ERICH6: variants seen among roughly 807,000 people sequenced by gnomAD.
ERICH6 encodes glutamate rich 6, also known as glutamate-rich protein 6.
ERICH6 carries 71 observed loss-of-function variants against 71.0 expected under a neutral mutation model. The observed-to-expected ratio is 1.00, with a 90% CI of 0.83 to 1.22. ERICH6 has a LOEUF of 1.22. Among genes scored for constraint, ERICH6 ranks in the 50% most tolerant of loss-of-function variants. The pLI is 0.00. For synonymous variants in ERICH6, 262 were observed against 278.4 expected, an observed-to-expected ratio of 0.94 and a Z score of 0.59; for missense variants, 808 against 797.2, an observed-to-expected ratio of 1.01 and a Z score of -0.16.
intron 3 of ERICH6, among the ~76,000 whole-genome samples, chr3:150,694,982 G>A (rs1712600437): frequency 6.6e-6 from 1 of 152,194 alleles, no homozygotes; most frequent in African/African-American, 2.4e-5. Context: ...GTCCTCACAT[G>A]GTAGAAGGAA....
intron 3 of ERICH6, among the ~76,000 whole-genome samples, chr3:150,692,577 T>C (rs957510323): frequency 5.9e-5 from 9 of 152,158 alleles, no homozygotes; most frequent in African/African-American, 1.9e-4. Context: ...TATAAAATGA[T>C]GTTTGGTTTT....
At chr3:150,685,629 TG>T (rs1712148359) in intron 6 of ERICH6, 112 bp downstream of exon 6, 3 of 941,710 alleles carry the variant, frequency 3.2e-6, no homozygotes, top group Non-Finnish European at 4.7e-6. Flanking sequence ...TTGAGCTCTT[TG>T]GCTTTTTTTT....
rs762270129 is a variant in ERICH6, at chr3:150,703,735, A to ACCT, written c.161_163dup (p.Glu54dup). ...TTCCCCCACCAACTCCTCCTCCACCACCTCCTCCTCCTCCTCCTCCACCTC... is the reference window on the plus strand; with the variant it reads ...TTCCCCCACCAACTCCTCCTCCACCACCTCCTCCTCCTCCTCCTCCTCCACCTC... On this transcript the variant is annotated inframe_insertion, in exon 1 of 14. Coordinates refer to ENST00000295910, the MANE Select transcript of ERICH6 (RefSeq NM_152394.5). 51 of 1,555,350 alleles carry ACCT rather than the reference A, an allele frequency of 3.3e-5. No individual in the cohort carries two copies. Among genetic ancestry groups the ACCT allele is most frequent in the Middle Eastern group, 1.8e-4 (1 of 5,626 alleles).
chr3:150,702,026 G>T, intron 2 of ERICH6, 95 bp downstream of exon 2: 2 of 835,642 alleles, frequency 2.4e-6, no homozygotes, highest in Non-Finnish European at 3.7e-6. Context: ...AGTCACAAAT[G>T]CCCTGGATTA....
At chr3:150,680,446 A>G in intron 9 of ERICH6, 22 bp downstream of exon 9, 1 of 1,610,426 alleles carries the variant, frequency 6.2e-7, no homozygotes, top group South Asian at 1.1e-5. Context: ...CTGGTCTATA[A>G]GATCAGCACT....
intron 3 of ERICH6, among the ~76,000 whole-genome samples, chr3:150,696,084 G>A (rs1415802699): frequency 1.3e-5 from 2 of 151,762 alleles, no homozygotes; most frequent in Non-Finnish European, 2.9e-5. Context: ...TATTGGTATA[G>A]GAAAATACCA....
At chr3:150,673,865 G>A (rs973126790) in intron 11 of ERICH6, 91 bp downstream of exon 11, 3 of 1,225,320 alleles carry the variant, frequency 2.4e-6, no homozygotes, top group Non-Finnish European at 2.3e-6. Flanking sequence ...ACAGGTGTGA[G>A]CCACTGCACC....
intron 11 of ERICH6, among the ~76,000 whole-genome samples, chr3:150,672,750 C>T (rs1409652630): frequency 1.3e-5 from 2 of 151,166 alleles, no homozygotes; most frequent in Non-Finnish European, 1.5e-5. Flanking sequence ...GCTGGCCAGA[C>T]ACAGTGGCTC....
intron 3 of ERICH6, among the ~76,000 whole-genome samples, chr3:150,688,317 G>A (rs915661133): frequency 6.6e-6 from 1 of 152,006 alleles, no homozygotes; most frequent in Admixed American, 6.6e-5. Context: ...ATAGGGAAGA[G>A]CTCAAAAAAA....
chr3:150,682,392 A>C (rs1323083858), intron 6 of ERICH6, 76 bp from the exon 7 acceptor site: 4 of 1,063,132 alleles, frequency 3.8e-6, no homozygotes, highest in Non-Finnish European at 5.7e-6. Context: ...CAGGAGCACG[A>C]CCCTGGGCAT....
chr3:150,690,406 A>G (rs527316259), intron 3 of ERICH6, among the ~76,000 whole-genome samples: 39 of 90,646 alleles, frequency 4.3e-4, no homozygotes, highest in Admixed American at 1.3e-3. Context: ...TAAGATAGGG[A>G]AAAAAAAAAA....
intron 2 of ERICH6, among the ~76,000 whole-genome samples, chr3:150,699,864 A>G (rs549323735): frequency 6.6e-6 from 1 of 152,314 alleles, no homozygotes; most frequent in Admixed American, 6.5e-5. Context: ...CATGTAAACA[A>G]ACATCAAAAA....
At position 150,703,883 on chromosome 3, in the gene ERICH6, A is replaced by G; in HGVS notation, c.16T>C (p.Ser6Pro). Reference sequence around the variant, plus strand: ...CCCGGGTCTCCGAAGCCGCTAGGCGAGCGCAAGTGGGCCATGGCTGGCGGG... The same window carrying G: ...CCCGGGTCTCCGAAGCCGCTAGGCGGGCGCAAGTGGGCCATGGCTGGCGGG... MAHLRSPSGFGDPGKK... is the reference protein window; with the variant it reads MAHLRPPSGFGDPGKK... The change falls in exon 1 of 14, where the codon TCG becomes CCG. Residue 6 changes from serine (S) to proline (P), a missense_variant. By Grantham distance (74) the Ser-to-Pro change is moderately conservative. Around this residue, in one of 3 missense-constraint regions of ERICH6, gnomAD observed 53 missense variants for 40.6 expected, o/e 1.30. Transcript: ENST00000295910. 2 of 1,613,480 alleles carry G rather than the reference A, an allele frequency of 1.2e-6. No individual in the cohort carries two copies. Among genetic ancestry groups the G allele is most frequent in the Non-Finnish European group, 1.7e-6 (2 of 1,179,848 alleles).
intron 13 of ERICH6, 24 bp from the exon 14 acceptor site, chr3:150,660,179 G>A (rs1235530655): frequency 3.1e-6 from 5 of 1,604,488 alleles, no homozygotes; most frequent in African/African-American, 1.3e-5. Flanking sequence ...AGAAAGAGAA[G>A]GAAACTCAGA....
chr3:150,684,266 T>G (rs975354734), intron 6 of ERICH6, among the ~76,000 whole-genome samples: 1 of 152,142 alleles, frequency 6.6e-6, no homozygotes, highest in African/African-American at 2.4e-5. Context: ...CCGAAGAGTC[T>G]GTTGAGTGAC....
At chr3:150,672,264 C>CATACATATATAT (rs770361826) in intron 11 of ERICH6, among the ~76,000 whole-genome samples, 3 of 123,620 alleles carry the variant, frequency 2.4e-5, no homozygotes, top group African/African-American at 3.2e-5. Flanking sequence ...TTTATATATA[C>CATACATATATAT]ATATATATAT....
At chr3:150,673,363 A>AT (rs1711535440) in intron 11 of ERICH6, among the ~76,000 whole-genome samples, 1 of 151,486 alleles carries the variant, frequency 6.6e-6, no homozygotes, top group South Asian at 2.1e-4. Context: ...TAATTTTCTT[A>AT]TTTTTTGTAG....
chr3:150,671,714 C>T (rs943622678), intron 11 of ERICH6, among the ~76,000 whole-genome samples: 1 of 152,214 alleles, frequency 6.6e-6, no homozygotes, highest in Admixed American at 6.5e-5. Context: ...GCAGCCTCCA[C>T]CTCTCTGGCT....
chr3:150,668,536 A>C (rs952556362), intron 12 of ERICH6, among the ~76,000 whole-genome samples: 18 of 152,218 alleles, frequency 1.2e-4, no homozygotes, highest in African/African-American at 3.9e-4. Context: ...GTGGTAATGA[A>C]TTGACTACTG....
Sources: allele counts gnomAD v4.1 joint callset (sites outside exome capture counted in the v4.1 genomes callset), GRCh38; gene constraint gnomAD v4.1.1; regional missense constraint gnomAD v4.1.1; transcripts MANE v1.5; gene names NCBI Gene and HGNC (gene_info 2026-07-23, HGNC 2026-07-21).